The following NMRK1 variants were observed in gnomAD, a reference collection of about 807,000 sequenced individuals.
NMRK1 encodes the protein NRK 1.
NMRK1 carries 28 observed loss-of-function variants against 29.9 expected under a neutral mutation model. The ratio of observed to expected loss-of-function variants is 0.94; its 90% confidence interval spans 0.69 to 1.28. The LOEUF (loss-of-function observed/expected upper bound fraction) is 1.28, where lower values mean the gene tolerates loss of function less well. NMRK1 is among the 50% of genes most tolerant of loss of function. The pLI is 0.00. For synonymous variants in NMRK1, 58 were observed against 73.0 expected (o/e 0.79, Z 1.05); for missense variants, 218 against 233.1 (o/e 0.94, Z 0.42).
chr9:75,086,749 A>G (rs1824660291), intron 1 of NMRK1, among the ~76,000 whole-genome samples: 1 of 152,178 alleles, frequency 6.6e-6, no homozygotes, highest in Non-Finnish European at 1.5e-5. Context: ...TCTACAGGAC[A>G]GTCTGATATT....
At chr9:75,084,239 C>T (rs1033229777) in intron 1 of NMRK1, among the ~76,000 whole-genome samples, 1 of 152,166 alleles carries the variant, frequency 6.6e-6, no homozygotes, top group Non-Finnish European at 1.5e-5. Flanking sequence ...AGGGGGGTTG[C>T]CAGGGACCTA....
intron 8 of NMRK1, among the ~76,000 whole-genome samples, chr9:75,061,976 TG>T (rs1823047882): frequency 6.6e-6 from 1 of 152,232 alleles, no homozygotes; most frequent in Admixed American, 6.5e-5. Context: ...ATACTTGATT[TG>T]GCATAGAAAT....
At position 75,061,319 on chromosome 9, in the gene NMRK1, G is replaced by A. The variant is rs1196053068; in HGVS notation, c.*229C>T. Reference sequence around the variant, plus strand: ...TTTCTGACTCACTGTGAGCTCTGCTGTATCTATGCGCTCCCTGGAGAGGGA... The same window carrying A: ...TTTCTGACTCACTGTGAGCTCTGCTATATCTATGCGCTCCCTGGAGAGGGA... On this transcript the variant is annotated 3_prime_UTR_variant, in exon 9 of 9. Transcript: ENST00000361092. 2.1e-6 allele frequency: 1 copy of A among 485,178 alleles called. No individual in the cohort carries two copies. The highest frequency in any genetic ancestry group is 3.8e-5 in the South Asian group (1 of 26,022). 30.1% of individuals were successfully genotyped at this position (485,178 alleles called of 1,614,324 possible). A position where few individuals can be genotyped will look rare whatever the true frequency, so the allele number is the denominator to read the frequency against.
chr9:75,082,978 C>A, intron 2 of NMRK1, 109 bp downstream of exon 2: 1 of 813,784 alleles, frequency 1.2e-6, no homozygotes, highest in Non-Finnish European at 2.2e-6. Context: ...TGCTCTTCCC[C>A]AGGACTCTGG....
At chr9:75,074,522 GACCA>G (rs1823883629) in intron 4 of NMRK1, among the ~76,000 whole-genome samples, 1 of 152,032 alleles carries the variant, frequency 6.6e-6, no homozygotes, top group Non-Finnish European at 1.5e-5. Context: ...TGGTAGCTGG[GACCA>G]CAGGTGCGCA....
intron 1 of NMRK1, among the ~76,000 whole-genome samples, chr9:75,086,608 G>T (rs899702898): frequency 6.6e-6 from 1 of 152,086 alleles, no homozygotes; most frequent in South Asian, 2.1e-4. Flanking sequence ...TTGCCTTTTG[G>T]ATTCTAAACT....
intron 7 of NMRK1, among the ~76,000 whole-genome samples, chr9:75,067,731 C>A (rs1341159784): frequency 1.3e-5 from 2 of 152,170 alleles, no homozygotes; most frequent in Non-Finnish European, 2.9e-5. Context: ...GTTCTTGCAA[C>A]CAATGGTCCA....
intron 1 of NMRK1, chr9:75,087,510 A>T (rs1242516080): frequency 6.6e-6 from 1 of 152,130 alleles, no homozygotes; most frequent in Non-Finnish European, 1.5e-5. Flanking sequence ...AATGAGCGTG[A>T]CCGTGTTCCA....
chr9:75,079,773 G>C (rs1824212638), intron 2 of NMRK1, among the ~76,000 whole-genome samples: 1 of 152,050 alleles, frequency 6.6e-6, no homozygotes, highest in African/African-American at 2.4e-5. Flanking sequence ...TAGGAATGGG[G>C]GAATAGGATG....
intron 6 of NMRK1, 40 bp from the exon 7 acceptor site, chr9:75,069,142 C>T (rs564651962): frequency 2.5e-5 from 34 of 1,358,500 alleles, no homozygotes; most frequent in Non-Finnish European, 3.3e-5. Context: ...GACAGAAACA[C>T]ACAATTGATA....
chr9:75,062,110 A>G (rs1171924831), intron 8 of NMRK1, among the ~76,000 whole-genome samples: 1 of 152,216 alleles, frequency 6.6e-6, no homozygotes, highest in Admixed American at 6.5e-5. Flanking sequence ...TGACTACATA[A>G]GTGACACTTC....
At chr9:75,072,242 CCCGT>C (rs1388259916) in intron 4 of NMRK1, among the ~76,000 whole-genome samples, 1 of 152,158 alleles carries the variant, frequency 6.6e-6, no homozygotes, top group Non-Finnish European at 1.5e-5. Context: ...TGTCATTCCT[CCCGT>C]CCTGGAATCT....
Position 75,071,225 on chromosome 9 carries a change from C to T in NMRK1, c.170-1183G>A, listed in dbSNP as rs184979803. Reference sequence around the variant, plus strand: ...TTCAGATTGAGTAATTTGTATTGTTCTGTCTTTAAGTTCACTAATTATTTT... The same window carrying T: ...TTCAGATTGAGTAATTTGTATTGTTTTGTCTTTAAGTTCACTAATTATTTT... On this transcript the variant is annotated intron_variant, in intron 4 of 8. Transcript: ENST00000361092. Among the ~76,000 whole-genome samples, 523 of 152,008 alleles carry T rather than the reference C, an allele frequency of 3.4e-3. 2 individuals are homozygous for T. The highest frequency in any genetic ancestry group is 6.1e-3 in the Admixed American group (93 of 15,260).
rs966533905 is a variant in NMRK1, at chr9:75,070,032, T to C, written c.180A>G (p.Ala60=). 8.1e-6 allele frequency: 13 copies of C among 1,608,260 alleles called. No individual in the cohort carries two copies. Among genetic ancestry groups the C allele is most frequent in the East Asian group, 4.5e-5 (2 of 44,870 alleles). ...CTGACATCATTTTTTCCATGTTAAG[T>C]GCTTCAAGCACTTCAAACAAACACA... ...NGFLQYDVLE[A]LNMEKMMSAI... Residue 60 remains alanine (A), a synonymous_variant, in exon 5 of 9, where the codon GCA becomes GCG. Coordinates refer to ENST00000361092, the MANE Select transcript of NMRK1 (RefSeq NM_017881.3).
intron 8 of NMRK1, among the ~76,000 whole-genome samples, chr9:75,062,332 ATT>A (rs72097624): frequency 0.14 from 20,944 of 152,176 alleles, 1,793 homozygotes; most frequent in Non-Finnish European, 0.19. Flanking sequence ...TATATTTTAT[ATT>A]TAATGAGAAA....
intron 4 of NMRK1, 60 bp from the exon 5 acceptor site, chr9:75,070,102 T>C: frequency 7.2e-7 from 1 of 1,387,910 alleles, no homozygotes; most frequent in Non-Finnish European, 1.0e-6. Context: ...TGATGTGACT[T>C]TTTGTGATGA....
chr9:75,060,859 C>G lies in NMRK1; in HGVS notation c.*689G>C, dbSNP rs1216821484. On this transcript the variant is annotated 3_prime_UTR_variant, in exon 9 of 9. Transcript: ENST00000361092. The stretch of plus-strand genomic sequence containing the variant: ...AGATACAATGGTATTAGATACACGC[C>G]AACACACACACACACACACACACAC... The G allele has an allele frequency of 1.1e-5, 1 of 93,252 alleles. No homozygotes were observed. Among genetic ancestry groups the G allele is most frequent in the Admixed American group, 1.2e-4 (1 of 8,452 alleles). The allele number at this position is 93,252 out of a possible 1,614,324, so 5.8% of individuals were successfully genotyped here. A position where few individuals can be genotyped will look rare whatever the true frequency, so the allele number is the denominator to read the frequency against.
At position 75,061,156 on chromosome 9, in the gene NMRK1, C is replaced by G. The variant is rs1822999674; in HGVS notation, c.*392G>C. 5.1e-6 allele frequency: 1 copy of G among 196,634 alleles called. No individual in the cohort carries two copies. The allele number at this position is 196,634 out of a possible 1,614,324, so 12.2% of individuals were successfully genotyped here. A position where few individuals can be genotyped will look rare whatever the true frequency, so the allele number is the denominator to read the frequency against. ...TATGTATCACACACACACATACACA[C>G]CTACACACAAATACATAAACATACA... On this transcript the variant is annotated 3_prime_UTR_variant, in exon 9 of 9. Transcript: ENST00000361092.
chr9:75,061,014 T>C lies in NMRK1; in HGVS notation c.*534A>G, dbSNP rs182383914. 6.5e-6 allele frequency: 1 copy of C among 152,994 alleles called. No individual in the cohort carries two copies. Among genetic ancestry groups the C allele is most frequent in the East Asian group, 1.9e-4 (1 of 5,184 alleles). 9.5% of individuals were successfully genotyped at this position (152,994 alleles called of 1,614,324 possible). On this transcript the variant is annotated 3_prime_UTR_variant, in exon 9 of 9. Coordinates refer to ENST00000361092, the MANE Select transcript of NMRK1 (RefSeq NM_017881.3). ...GGTGGTGAGTGTTGGTATGGGATGG[T>C]ATGGAGCAACATTTTCCAAATTGTG...
Sources: gnomAD v4.1 joint callset for allele counts (sites outside exome capture counted in the v4.1 genomes callset) on GRCh38, gnomAD v4.1.1 for gene constraint, MANE v1.5 for transcripts, NCBI Gene and HGNC (gene_info 2026-07-23, HGNC 2026-07-21) for gene names.